Variants in AHCTF1 observed in about 807,000 individuals in gnomAD.
The protein encoded by AHCTF1 is protein ELYS.
Under a neutral mutation model 248.4 loss-of-function variants are expected in AHCTF1, and 24 were observed. That is an observed-to-expected ratio of 0.10 (90% CI 0.07 to 0.14). AHCTF1 has a LOEUF of 0.14. Among genes scored for constraint, AHCTF1 ranks in the 10% least tolerant of loss-of-function variants. The pLI is 1.00. For missense variants in AHCTF1, 2,206 were observed against 2,636.2 expected (o/e 0.84, Z 3.57); for synonymous variants, 786 against 929.8 (o/e 0.85, Z 2.81).
chr1:246,915,569 T>C (rs1666087313), intron 3 of AHCTF1, among the ~76,000 whole-genome samples: 1 of 152,300 alleles, frequency 6.6e-6, no homozygotes, highest in Admixed American at 6.5e-5. Flanking sequence ...ATTCTACATG[T>C]TCCAAGTGCT....
chr1:246,909,872 T>G (rs1665676182), intron 4 of AHCTF1, among the ~76,000 whole-genome samples: 1 of 152,156 alleles, frequency 6.6e-6, no homozygotes, highest in African/African-American at 2.4e-5. Flanking sequence ...TAGTAGCAAG[T>G]AGCACCAGCA....
chr1:246,850,773 G>A lies in AHCTF1; in HGVS notation c.5233C>T (p.Arg1745Cys), dbSNP rs374602603. The A allele has an allele frequency of 1.4e-5, 22 of 1,613,716 alleles. No individual in the cohort carries two copies. Among genetic ancestry groups the A allele is most frequent in the African/African-American group, 2.7e-5 (2 of 74,936 alleles). ...VSSKTRTRGQRIQNVNVKSAQ... is the reference protein window; with the variant it reads ...VSSKTRTRGQCIQNVNVKSAQ... ...GATTTGACATTCACGTTTTGGATAC[G>A]TTGACCTCTCGTACGAGTTTTGGAG... Residue 1745 changes from arginine to cysteine, a missense_variant, in exon 33 of 36, where the codon CGT (arginine) becomes TGT (cysteine). Physicochemically the swap from Arg to Cys is radical, Grantham distance 180 (BLOSUM62 -3). Around this residue, in one of 6 missense-constraint regions of AHCTF1, gnomAD observed 955 missense variants for 1,055.6 expected, o/e 0.90. Coordinates refer to ENST00000648844, the MANE Select transcript of AHCTF1 (RefSeq NM_001323342.2).
chr1:246,889,943 T>C (rs750468056), intron 17 of AHCTF1, 23 bp downstream of exon 17: 40 of 1,570,626 alleles, frequency 2.5e-5, no homozygotes, highest in Non-Finnish European at 3.4e-5. Context: ...ACAGATGTAA[T>C]TTCTAAAATT....
Position 246,869,329 on chromosome 1 carries a change from CT to C in AHCTF1, c.3089-1519del, listed in dbSNP as rs756954436. ...CAATATCCAAAGCCAACTAATAACC[CT>C]ACAAAGACCTCAAGTGTTCATGTGA... On this transcript the variant is annotated intron_variant, in intron 24 of 35. Coordinates refer to ENST00000648844, the MANE Select transcript of AHCTF1 (RefSeq NM_001323342.2). Among the ~76,000 whole-genome samples the C allele has an allele frequency of 8.4e-4, 128 of 152,252 alleles. 1 individual carries two copies. In the Middle Eastern group the frequency reaches 0.017, roughly 20 times the overall value.
intron 25 of AHCTF1, 47 bp from the exon 26 acceptor site, chr1:246,867,398 A>G (rs1418363799): frequency 1.6e-6 from 2 of 1,273,794 alleles, no homozygotes; most frequent in Non-Finnish European, 1.1e-6. Flanking sequence ...AGGAGCACTG[A>G]TAACAAGTGG....
intron 1 of AHCTF1, among the ~76,000 whole-genome samples, chr1:246,925,734 G>A (rs1173259362): frequency 6.6e-6 from 1 of 152,062 alleles, no homozygotes; most frequent in African/African-American, 2.4e-5. Flanking sequence ...CATGGGAGAG[G>A]ACCCCTCATG....
chr1:246,891,301 T>C (rs987375824), intron 15 of AHCTF1, among the ~76,000 whole-genome samples: 1 of 152,158 alleles, frequency 6.6e-6, no homozygotes. Flanking sequence ...CTCCCTAAAA[T>C]AGACATTTTA....
intron 12 of AHCTF1, among the ~76,000 whole-genome samples, chr1:246,896,371 T>C (rs1412807109): frequency 1.3e-5 from 2 of 152,230 alleles, no homozygotes; most frequent in Admixed American, 6.5e-5. Flanking sequence ...CAGAATATTA[T>C]ACAGCCATAA....
chr1:246,890,112 A>C, intron 16 of AHCTF1, 53 bp from the exon 17 acceptor site: 1 of 1,215,954 alleles, frequency 8.2e-7, no homozygotes, highest in Non-Finnish European at 1.2e-6. Flanking sequence ...AAATATCTCA[A>C]CAATACATAT....
At chr1:246,867,607 T>C (rs1047271964) in intron 25 of AHCTF1, 54 bp downstream of exon 25, 3 of 1,579,144 alleles carry the variant, frequency 1.9e-6, no homozygotes, top group African/African-American at 1.4e-5. Context: ...ACGCTGTTGA[T>C]GTCCAGTAAA....
At chr1:246,864,159 A>G (rs1053000645) in intron 26 of AHCTF1, 43 bp from the exon 27 acceptor site, 31 of 1,574,764 alleles carry the variant, frequency 2.0e-5, no homozygotes, top group Non-Finnish European at 2.6e-5. Flanking sequence ...CTGAAAAAAC[A>G]AAAGAATTTA....
chr1:246,911,889 C>T (rs1558272356), intron 4 of AHCTF1, among the ~76,000 whole-genome samples: 1 of 152,044 alleles, frequency 6.6e-6, no homozygotes, highest in Non-Finnish European at 1.5e-5. Flanking sequence ...ATGATTTTGG[C>T]TCTTCCATTT....
chr1:246,909,207 C>T (rs1236527055), intron 4 of AHCTF1, among the ~76,000 whole-genome samples: 3 of 141,598 alleles, frequency 2.1e-5, no homozygotes, highest in East Asian at 4.1e-4. Context: ...GTCAGGAGTT[C>T]AAGACCAGCC....
intron 31 of AHCTF1, among the ~76,000 whole-genome samples, chr1:246,855,209 G>A (rs1406934061): frequency 1.3e-5 from 2 of 152,084 alleles, no homozygotes; most frequent in Non-Finnish European, 2.9e-5. Context: ...GACATTCAAG[G>A]TGTCTGCTTC....
chr1:246,904,955 G>C (rs1374606934), intron 6 of AHCTF1, among the ~76,000 whole-genome samples: 1 of 152,182 alleles, frequency 6.6e-6, no homozygotes. Flanking sequence ...GCAGGGTACT[G>C]AGATTGAGAA....
At position 246,861,060 on chromosome 1, in the gene AHCTF1, G is replaced by C; in HGVS notation, c.3971C>G (p.Ala1324Gly). 4 of 1,614,032 alleles carry C rather than the reference G, an allele frequency of 2.5e-6. No individual in the cohort carries two copies. Among genetic ancestry groups the C allele is most frequent in the Non-Finnish European group, 3.4e-6 (4 of 1,179,954 alleles). Reference sequence around the variant, plus strand: ...CTCTTCAAGGTCTTCCGGTGACGGTGCATCCTGATACTCTAAGGTAGTCTC... The same window carrying C: ...CTCTTCAAGGTCTTCCGGTGACGGTCCATCCTGATACTCTAAGGTAGTCTC... Reference protein sequence around the residue: ...SDETTLEYQDAPSPEDLEETV... With the variant: ...SDETTLEYQDGPSPEDLEETV... The change falls in exon 29 of 36, where the codon GCA becomes GGA. Residue 1324 changes from alanine to glycine, a missense_variant. Around this residue, in one of 6 missense-constraint regions of AHCTF1, gnomAD observed 955 missense variants for 1,055.6 expected, o/e 0.90. Transcript: ENST00000648844.
At chr1:246,926,748 T>C (rs993123370) in intron 1 of AHCTF1, among the ~76,000 whole-genome samples, 1 of 151,878 alleles carries the variant, frequency 6.6e-6, no homozygotes, top group Non-Finnish European at 1.5e-5. Context: ...CCAGCTACTT[T>C]GGGAGGCTGA....
Position 246,849,890 on chromosome 1 carries a change from G to A in AHCTF1, c.6116C>T (p.Ser2039Leu), listed in dbSNP as rs1259917481. ...KSILVPNEEL[S>L]MVMSSKKKLT... ...TTTTTTCTTAGAGCTCATCACCATC[G>A]AAAGTTCCTCGTTTGGCACTAAAAT... Residue 2039 changes from serine (S) to leucine (L), a missense_variant, in exon 33 of 36, where the codon TCG becomes TTG. Coordinates refer to ENST00000648844, the MANE Select transcript of AHCTF1 (RefSeq NM_001323342.2). 5 of 1,613,714 alleles carry A rather than the reference G, an allele frequency of 3.1e-6. No homozygotes were observed. The highest frequency in any genetic ancestry group is 2.2e-5 in the East Asian group (1 of 44,888).
At chr1:246,921,401 C>G (rs1416504509) in intron 1 of AHCTF1, among the ~76,000 whole-genome samples, 2 of 151,996 alleles carry the variant, frequency 1.3e-5, no homozygotes, top group Admixed American at 1.3e-4. Flanking sequence ...ACCCACTCAC[C>G]AAATAAATTA....
Sources: allele counts gnomAD v4.1 joint callset (sites outside exome capture counted in the v4.1 genomes callset), GRCh38; gene constraint gnomAD v4.1.1; regional missense constraint gnomAD v4.1.1; transcripts MANE v1.5; gene names NCBI Gene and HGNC (gene_info 2026-07-23, HGNC 2026-07-21).